Variants in PRTG observed in about 807,000 individuals in gnomAD.
PRTG encodes protogenin, also known as immunoglobulin superfamily, DCC subclass, member 5.
Under a neutral mutation model 122.5 loss-of-function variants are expected in PRTG, and 67 were observed. The ratio of observed to expected loss-of-function variants is 0.55; its 90% confidence interval spans 0.45 to 0.67. The LOEUF is 0.67. PRTG is among the 30% of genes least tolerant of loss of function. The pLI is 0.00. For missense variants in PRTG, 1,435 were observed against 1,415.4 expected, an observed-to-expected ratio of 1.01 and a Z score of -0.22; for synonymous variants, 554 against 501.1, an observed-to-expected ratio of 1.11 and a Z score of -1.41.
intron 2 of PRTG, chr15:55,738,455 C>G (rs1482700868): frequency 1.1e-5 from 8 of 700,720 alleles, no homozygotes; most frequent in South Asian, 4.5e-5. Context: ...AATGCTTCAT[C>G]TTCTCATGGC....
rs373013093 is a variant in PRTG, at chr15:55,677,014, G to A, written c.1381+783C>T. On this transcript the variant is annotated intron_variant, in intron 8 of 19. Transcript: ENST00000389286. ...TTAGGTGTTTGAATTTGTTTTTAAC[G>A]TATATTCCATAAAAGCTAGGCTGTT... Among the ~76,000 whole-genome samples, 90 of 152,226 alleles carry A rather than the reference G, an allele frequency of 5.9e-4. No homozygotes were observed. The South Asian group carries it at 8.7e-3, about 15-fold the overall frequency.
intron 2 of PRTG, among the ~76,000 whole-genome samples, chr15:55,711,031 C>T (rs987570798): frequency 9.9e-5 from 15 of 151,370 alleles, no homozygotes; most frequent in African/African-American, 3.6e-4. Context: ...CTCAGCTTCA[C>T]GAGTAGCTGG....
intron 11 of PRTG, among the ~76,000 whole-genome samples, chr15:55,646,175 T>G (rs7173526): frequency 0.019 from 2,372 of 123,118 alleles, 63 homozygotes; most frequent in African/African-American, 0.061. Flanking sequence ...CCCAGCTAGT[T>G]TTTTTTTTTT....
intron 2 of PRTG, chr15:55,703,057 G>A: frequency 2.8e-6 from 1 of 351,844 alleles, no homozygotes; most frequent in Non-Finnish European, 4.0e-6. Flanking sequence ...GAACCAGTTG[G>A]TCTGTTCCTA....
intron 2 of PRTG, among the ~76,000 whole-genome samples, chr15:55,713,364 C>T (rs886945323): frequency 3.9e-5 from 6 of 152,290 alleles, no homozygotes; most frequent in Non-Finnish European, 5.9e-5. Flanking sequence ...CATTTTCTTA[C>T]TGAGAGACAT....
At chr15:55,661,281 A>T (rs1165825306) in intron 11 of PRTG, among the ~76,000 whole-genome samples, 1 of 152,212 alleles carries the variant, frequency 6.6e-6, no homozygotes, top group African/African-American at 2.4e-5. Context: ...CTCTTCCAAA[A>T]TCAGAGCACA....
chr15:55,631,038 A>T (rs954484892), intron 15 of PRTG, among the ~76,000 whole-genome samples: 2 of 152,200 alleles, frequency 1.3e-5, no homozygotes, highest in Non-Finnish European at 2.9e-5. Context: ...TCTGCAGGTC[A>T]CACGGTGTGA....
rs149293398 is a variant in PRTG at position 55,678,321 on chromosome 15, G to A, written c.1134-277C>T. Among the ~76,000 whole-genome samples the A allele has an allele frequency of 5.9e-4, 89 of 152,096 alleles. No individual in the cohort carries two copies. The South Asian group carries it at 8.5e-3, about 15-fold the overall frequency. ...CAGTGTCACAATCACAGCTCACTGC[G>A]GCCTCAAACTCCTGGGCTCAAATAA... On this transcript the variant is annotated intron_variant, in intron 7 of 19. Coordinates refer to ENST00000389286, the MANE Select transcript of PRTG (RefSeq NM_173814.6).
chr15:55,714,463 T>C (rs2030524733), intron 2 of PRTG, among the ~76,000 whole-genome samples: 2 of 151,586 alleles, frequency 1.3e-5, no homozygotes, highest in South Asian at 4.2e-4. Flanking sequence ...ACTCCTGGCC[T>C]CAAGGGATCC....
Position 55,627,136 on chromosome 15 carries a change from G to T in PRTG, c.2807-8C>A, listed in dbSNP as rs372342524. The stretch of plus-strand genomic sequence containing the variant: ...GGTAATATCCTGAATAAACTAGAAG[G>T]GAAAACACATTTACTCAGAATCAAT... On this transcript the variant is annotated splice_region_variant and splice_polypyrimidine_tract_variant and intron_variant, in intron 16 of 19. Coordinates refer to ENST00000389286, the MANE Select transcript of PRTG (RefSeq NM_173814.6). 1.3e-6 allele frequency: 2 copies of T among 1,563,950 alleles called. No individual in the cohort carries two copies. Among genetic ancestry groups the T allele is most frequent in the Non-Finnish European group, 1.7e-6 (2 of 1,148,248 alleles).
chr15:55,641,941 G>A (rs1382962208), intron 11 of PRTG, among the ~76,000 whole-genome samples: 2 of 151,848 alleles, frequency 1.3e-5, no homozygotes, highest in South Asian at 2.1e-4. Flanking sequence ...TTGGGAGGCC[G>A]AGGCGGGTGG....
chr15:55,674,486 A>G (rs1332747708), intron 9 of PRTG, among the ~76,000 whole-genome samples: 2 of 152,212 alleles, frequency 1.3e-5, no homozygotes, highest in Non-Finnish European at 2.9e-5. Context: ...TTAGACATGC[A>G]TAACAGAGGT....
intron 2 of PRTG, among the ~76,000 whole-genome samples, chr15:55,730,819 T>A (rs1464237143): frequency 6.6e-6 from 1 of 152,114 alleles, no homozygotes; most frequent in Non-Finnish European, 1.5e-5. Flanking sequence ...AAGTCACGAC[T>A]ATAATAACAA....
intron 2 of PRTG, among the ~76,000 whole-genome samples, chr15:55,695,892 G>A (rs1161505845): frequency 6.6e-6 from 1 of 152,132 alleles, no homozygotes; most frequent in Non-Finnish European, 1.5e-5. Flanking sequence ...GATCACTTAA[G>A]CCTGGGAGGC....
At chr15:55,698,999 T>C (rs573990051) in intron 2 of PRTG, among the ~76,000 whole-genome samples, 5 of 152,222 alleles carry the variant, frequency 3.3e-5, no homozygotes, top group African/African-American at 1.2e-4. Context: ...GGTAGCGCTC[T>C]TCTCAGCAAC....
rs554201451 is a variant in PRTG at position 55,628,358 on chromosome 15, T to C, written c.2806+464A>G. Reference sequence around the variant, plus strand: ...AGGGTAGCTCTTTAAAGATATTTTTTCCAATTGCTTTTCTGGAGACAGAGA... The same window carrying C: ...AGGGTAGCTCTTTAAAGATATTTTTCCCAATTGCTTTTCTGGAGACAGAGA... On this transcript the variant is annotated intron_variant, in intron 16 of 19. Transcript: ENST00000389286. 2.0e-4 allele frequency among the ~76,000 whole-genome samples: 30 copies of C among 148,770 alleles called. No individual in the cohort carries two copies. In the East Asian group the frequency reaches 5.2e-3, roughly 26 times the overall value.
At chr15:55,677,546 C>A (rs2141805905) in intron 8 of PRTG, among the ~76,000 whole-genome samples, 1 of 152,194 alleles carries the variant, frequency 6.6e-6, no homozygotes, top group East Asian at 1.9e-4. Flanking sequence ...TCTAAGCAGG[C>A]AGTGATGCTT....
chr15:55,698,922 C>T (rs1294365845), intron 2 of PRTG, among the ~76,000 whole-genome samples: 1 of 152,030 alleles, frequency 6.6e-6, no homozygotes, highest in Non-Finnish European at 1.5e-5. Context: ...AAACTTAGTT[C>T]TGCTCTTCCC....
At chr15:55,638,983 T>G (rs1040398694) in intron 13 of PRTG, among the ~76,000 whole-genome samples, 9 of 151,434 alleles carry the variant, frequency 5.9e-5, no homozygotes, top group African/African-American at 2.2e-4. Flanking sequence ...CATTCATTCA[T>G]TCATTCATGA....
Sources: gnomAD v4.1 joint callset for allele counts (sites outside exome capture counted in the v4.1 genomes callset) on GRCh38, gnomAD v4.1.1 for gene constraint, MANE v1.5 for transcripts, NCBI Gene and HGNC (gene_info 2026-07-23, HGNC 2026-07-21) for gene names.